The following TULP3 variants were observed in gnomAD, a reference collection of about 807,000 sequenced individuals.
TULP3 encodes tubby-related protein 3.
A neutral mutation model predicts 50.7 loss-of-function variants in TULP3; 38 were observed. The ratio of observed to expected loss-of-function variants is 0.75; its 90% CI spans 0.58 to 0.98. The LOEUF (loss-of-function observed/expected upper bound fraction) is 0.98. TULP3 is among the 50% of genes least tolerant of loss of function. The pLI, the probability that TULP3 is intolerant of heterozygous loss-of-function variation, is 0.00. For missense variants in TULP3, 550 were observed against 568.0 expected (o/e 0.97, Z 0.32); for synonymous variants, 183 against 196.6 (o/e 0.93, Z 0.58).
In TULP3 at chr12:2,913,057, T is replaced by TG. The variant is rs1352278460; in HGVS notation, c.93+3478dup. Among the ~76,000 whole-genome samples the TG allele has an allele frequency of 7.9e-5, 12 of 151,512 alleles. No individual in the cohort carries two copies. In the East Asian group the frequency reaches 2.3e-3, roughly 30 times the overall value. On this transcript the variant is annotated intron_variant, in intron 2 of 10. Transcript: ENST00000448120. ...CACGATCTCGGCTCACTGCAACCTC[T>TG]GCCTCTGTGCCCAGCCAGTTTTTCC... is the stretch of plus-strand genomic sequence containing the variant.
In TULP3 at chr12:2,940,481, A is replaced by T; in HGVS notation, c.*1037A>T. 6.7e-7 allele frequency: 1 copy of T among 1,496,872 alleles called. No individual in the cohort carries two copies. The highest frequency in any genetic ancestry group is 8.9e-7 in the Non-Finnish European group (1 of 1,120,784). 92.7% of individuals were successfully genotyped at this position (1,496,872 alleles called of 1,614,324 possible). On this transcript the variant is annotated 3_prime_UTR_variant, in exon 11 of 11. Coordinates refer to ENST00000448120, the MANE Select transcript of TULP3 (RefSeq NM_003324.5). ...GTTTTGCTACGTTTTTTTGATTATT[A>T]CACCCCTCCACGTATTATGTGACTC...
chr12:2,915,628 T>TC lies in TULP3; in HGVS notation c.94-5133dup, dbSNP rs2098188196. Among the ~76,000 whole-genome samples the TC allele has an allele frequency of 5.9e-5, 9 of 151,296 alleles. No homozygotes were observed. The South Asian group carries it at 1.9e-3, about 32-fold the overall frequency. On this transcript the variant is annotated intron_variant, in intron 2 of 10. Coordinates refer to ENST00000448120, the MANE Select transcript of TULP3 (RefSeq NM_003324.5). ...ATCTCAGCTCAGGCTCACTGCAACC[T>TC]CCACCTCCCAGGTTCAAGCGATTCT...
chr12:2,905,406 G>T lies in TULP3; in HGVS notation c.42-4123G>T, dbSNP rs1258857781. On this transcript the variant is annotated intron_variant, in intron 1 of 10. Transcript: ENST00000448120. ...TCACCATGTTGGCCAGGATGGTCTC[G>T]ATCTCTTGACCTTGGGATCCACCTG... Among the ~76,000 whole-genome samples the T allele has an allele frequency of 2.6e-5, 4 of 152,010 alleles. No individual in the cohort carries two copies. In the East Asian group the frequency reaches 7.9e-4, roughly 30 times the overall value.
intron 5 of TULP3, among the ~76,000 whole-genome samples, chr12:2,930,712 C>G (rs10848748): frequency 6.6e-6 from 1 of 151,948 alleles, no homozygotes; most frequent in Non-Finnish European, 1.5e-5. Context: ...CATGAGCCAC[C>G]GTGCCCAGCC....
intron 3 of TULP3, 85 bp from the exon 4 acceptor site, chr12:2,922,177 A>G (rs1199936231): frequency 6.7e-7 from 1 of 1,486,988 alleles, no homozygotes. Flanking sequence ...GGTAGTTCTT[A>G]ATTCTGATCA....
chr12:2,910,019 A>G (rs11062414), intron 2 of TULP3, among the ~76,000 whole-genome samples: 73,019 of 152,066 alleles, frequency 0.48, 18,050 homozygotes, highest in African/African-American at 0.6. Context: ...AGGGCCGGGC[A>G]CAGTGGCTCA....
chr12:2,894,732 A>G (rs2098174472), intron 1 of TULP3, among the ~76,000 whole-genome samples: 1 of 152,098 alleles, frequency 6.6e-6, no homozygotes, highest in Admixed American at 6.6e-5. Context: ...TGTCTCTACT[A>G]AAAATACAAA....
In TULP3 at chr12:2,939,077, T is replaced by C. The variant is rs2098203181; in HGVS notation, c.1196-234T>C. On this transcript the variant is annotated intron_variant, in intron 10 of 10. Transcript: ENST00000448120. This position sits in a 1 kb window ranked among gnomAD's most constrained non-coding sequence, Gnocchi z 4.0. ...CCCTATCTTCACAAAAAGTAAAATA[T>C]TAGCCAGGCGTGGTGGCGCTTGCCT... Among the ~76,000 whole-genome samples the C allele has an allele frequency of 6.6e-6, 1 of 151,766 alleles. No individual in the cohort carries two copies. Among genetic ancestry groups the C allele is most frequent in the African/African-American group, 2.4e-5 (1 of 41,296 alleles).
intron 7 of TULP3, among the ~76,000 whole-genome samples, 183 bp downstream of exon 7, chr12:2,933,713 G>A (rs564109053): frequency 6.6e-6 from 1 of 152,212 alleles, no homozygotes; most frequent in South Asian, 2.1e-4. Context: ...CACTTTGAGA[G>A]GCCAAGGCGG....
intron 1 of TULP3, among the ~76,000 whole-genome samples, chr12:2,897,711 C>T (rs979068079): frequency 3.8e-4 from 57 of 150,918 alleles, no homozygotes; most frequent in African/African-American, 1.3e-3. Context: ...TCTCCCACCT[C>T]GGCCTCCCAA....
chr12:2,890,912 A>T lies in TULP3; in HGVS notation c.-36A>T. On this transcript the variant is annotated 5_prime_UTR_variant, in exon 1 of 11. Coordinates refer to ENST00000448120, the MANE Select transcript of TULP3 (RefSeq NM_003324.5). ...AGCCACTCTAGCGACGGCGGGGAAG[A>T]GTGTGTACGTGGTGGGGGCTTCCTC... 1.1e-5 allele frequency: 17 copies of T among 1,562,366 alleles called. No individual in the cohort carries two copies. Among genetic ancestry groups the T allele is most frequent in the Non-Finnish European group, 1.5e-5 (17 of 1,153,628 alleles).
At chr12:2,933,394 G>T in intron 6 of TULP3, 24 bp from the exon 7 acceptor site, 2 of 1,536,552 alleles carry the variant, frequency 1.3e-6, no homozygotes, top group Admixed American at 1.7e-5. Flanking sequence ...CTTCATTTTT[G>T]ACTGACACTT....
At chr12:2,893,451 G>A (rs1317254193) in intron 1 of TULP3, among the ~76,000 whole-genome samples, 1 of 151,234 alleles carries the variant, frequency 6.6e-6, no homozygotes, top group African/African-American at 2.4e-5. Flanking sequence ...CTCCTGAGTA[G>A]CTGGGATTAC....
intron 4 of TULP3, among the ~76,000 whole-genome samples, chr12:2,928,537 A>T (rs1468528999): frequency 1.3e-5 from 2 of 151,766 alleles, no homozygotes; most frequent in Non-Finnish European, 2.9e-5. Context: ...TCTCAAAAAA[A>T]ATAAATAAAT....
intron 4 of TULP3, among the ~76,000 whole-genome samples, chr12:2,929,639 A>G (rs10848746): frequency 0.23 from 34,511 of 151,484 alleles, 4,025 homozygotes; most frequent in East Asian, 0.36. Context: ...CTCCCAGGCT[A>G]TAGTACAGTG....
chr12:2,914,555 T>C (rs10774080), intron 2 of TULP3, among the ~76,000 whole-genome samples: 72,935 of 152,118 alleles, frequency 0.48, 17,991 homozygotes, highest in African/African-American at 0.6. Flanking sequence ...ATTCAGATAT[T>C]CAGCTTTCCC....
intron 1 of TULP3, among the ~76,000 whole-genome samples, chr12:2,894,948 C>T (rs2098174624): frequency 6.6e-6 from 1 of 151,958 alleles, no homozygotes; most frequent in Non-Finnish European, 1.5e-5. Flanking sequence ...AAATAACATT[C>T]CCGAAGAGAG....
intron 1 of TULP3, among the ~76,000 whole-genome samples, chr12:2,898,123 G>A (rs758609691): frequency 6.8e-6 from 1 of 147,848 alleles, no homozygotes; most frequent in Non-Finnish European, 1.5e-5. Flanking sequence ...TGCAGTTTGA[G>A]TGCTTACTAT....
chr12:2,937,852 A>G (rs993833478), intron 9 of TULP3, 123 bp downstream of exon 9: 65 of 929,722 alleles, frequency 7.0e-5, no homozygotes, highest in Non-Finnish European at 9.4e-5. Context: ...AGATAGCTCC[A>G]TACACTTCTT....
Sources: gnomAD v4.1 joint callset for allele counts (sites outside exome capture counted in the v4.1 genomes callset) on GRCh38, gnomAD v4.1.1 for gene constraint, Gnocchi (gnomAD v3.1) non-coding constraint, MANE v1.5 for transcripts, NCBI Gene and HGNC (gene_info 2026-07-23, HGNC 2026-07-21) for gene names.